The following CHCHD3 variants were observed in gnomAD, a reference collection of about 807,000 sequenced individuals.
CHCHD3 encodes MICOS complex subunit MIC19.
Under a neutral mutation model 38.2 loss-of-function variants are expected in CHCHD3, and 20 were observed. The observed-to-expected ratio is 0.52, with a 90% CI of 0.37 to 0.76. The LOEUF (loss-of-function observed/expected upper bound fraction) is 0.76. Among genes scored for constraint, CHCHD3 ranks in the 30% least tolerant of loss-of-function variants. The pLI is 0.00. For missense variants in CHCHD3, 245 were observed against 279.2 expected, an observed-to-expected ratio of 0.88 and a Z score of 0.87; for synonymous variants, 82 against 100.0, an observed-to-expected ratio of 0.82 and a Z score of 1.07.
At chr7:132,883,462 T>C (rs1809122498) in intron 5 of CHCHD3, among the ~76,000 whole-genome samples, 1 of 152,166 alleles carries the variant, frequency 6.6e-6, no homozygotes, top group Non-Finnish European at 1.5e-5. Flanking sequence ...CATCAGAGCC[T>C]TGTGCTCTAA....
chr7:133,021,199 CA>C (rs1813169177), intron 3 of CHCHD3, among the ~76,000 whole-genome samples: 1 of 151,994 alleles, frequency 6.6e-6, no homozygotes. Context: ...CATATGTTTT[CA>C]AAAATTCAAA....
At chr7:132,846,188 C>T (rs1436939167) in intron 5 of CHCHD3, among the ~76,000 whole-genome samples, 1 of 152,154 alleles carries the variant, frequency 6.6e-6, no homozygotes, top group Non-Finnish European at 1.5e-5. Context: ...GTGTTTGTGT[C>T]TTGCTCTGGG....
At chr7:132,791,262 T>C (rs571033589) in intron 7 of CHCHD3, among the ~76,000 whole-genome samples, 33 of 152,330 alleles carry the variant, frequency 2.2e-4, no homozygotes, top group African/African-American at 7.7e-4. Flanking sequence ...CCTCAGGGGA[T>C]TCTGATGCTC....
At chr7:132,961,648 G>A (rs1323604985) in intron 4 of CHCHD3, among the ~76,000 whole-genome samples, 9 of 152,116 alleles carry the variant, frequency 5.9e-5, no homozygotes, top group Non-Finnish European at 1.2e-4. Context: ...CATTCCCTTG[G>A]CAAATTTCAA....
intron 3 of CHCHD3, among the ~76,000 whole-genome samples, chr7:133,012,542 T>C (rs1361258932): frequency 6.6e-6 from 1 of 152,138 alleles, no homozygotes; most frequent in Non-Finnish European, 1.5e-5. Context: ...GGCAGGCAGA[T>C]GGCTTGAGCC....
chr7:132,951,446 G>A (rs889426313), intron 4 of CHCHD3, among the ~76,000 whole-genome samples: 5 of 152,162 alleles, frequency 3.3e-5, no homozygotes, highest in Admixed American at 2.0e-4. Flanking sequence ...TTTGGATGAG[G>A]TGCACTGATC....
intron 5 of CHCHD3, among the ~76,000 whole-genome samples, chr7:132,867,989 T>C (rs1808673036): frequency 6.6e-6 from 1 of 152,176 alleles, no homozygotes; most frequent in Non-Finnish European, 1.5e-5. Context: ...TATGCCTTTA[T>C]CTTTACACTG....
At chr7:132,837,277 T>C (rs1417444801) in intron 6 of CHCHD3, among the ~76,000 whole-genome samples, 1 of 152,170 alleles carries the variant, frequency 6.6e-6, no homozygotes, top group Non-Finnish European at 1.5e-5. Flanking sequence ...ATTATATCAT[T>C]AGGGAGAAAA....
At chr7:133,030,085 A>G (rs965189658) in intron 2 of CHCHD3, among the ~76,000 whole-genome samples, 3 of 152,194 alleles carry the variant, frequency 2.0e-5, no homozygotes, top group African/African-American at 4.8e-5. Context: ...CTTAGCTACA[A>G]ATGAGAAGTT....
intron 4 of CHCHD3, among the ~76,000 whole-genome samples, chr7:132,916,608 C>G (rs571284817): frequency 6.6e-6 from 1 of 152,026 alleles, no homozygotes; most frequent in Non-Finnish European, 1.5e-5. Flanking sequence ...AAAGAAAAGG[C>G]CTCACTCTGT....
intron 4 of CHCHD3, among the ~76,000 whole-genome samples, chr7:132,928,198 G>C (rs1585646124): frequency 6.6e-6 from 1 of 152,160 alleles, no homozygotes; most frequent in African/African-American, 2.4e-5. Flanking sequence ...ATGGATAAAG[G>C]ATAAAAAGTG....
intron 3 of CHCHD3, among the ~76,000 whole-genome samples, chr7:133,015,728 G>C (rs538322196): frequency 2.0e-5 from 3 of 152,314 alleles, no homozygotes; most frequent in Admixed American, 2.0e-4. Context: ...TTACTTGATA[G>C]ATATGACCTT....
chr7:132,807,338 AAGG>A (rs1402031839), intron 6 of CHCHD3, among the ~76,000 whole-genome samples: 8 of 152,216 alleles, frequency 5.3e-5, no homozygotes, highest in Admixed American at 1.3e-4. Context: ...TTTTACATAT[AAGG>A]TAAGTATATC....
chr7:132,966,548 C>CACATGGTAT (rs1562924031), intron 4 of CHCHD3, among the ~76,000 whole-genome samples: 1 of 152,160 alleles, frequency 6.6e-6, no homozygotes, highest in Non-Finnish European at 1.5e-5. Flanking sequence ...GGCGTCATTG[C>CACATGGTAT]ACATGGTATA....
chr7:132,909,485 C>A (rs905283368), intron 4 of CHCHD3, among the ~76,000 whole-genome samples: 1 of 152,008 alleles, frequency 6.6e-6, no homozygotes, highest in African/African-American at 2.4e-5. Context: ...AGCGAGCCTC[C>A]ATCTCAAAAA....
chr7:133,078,535 T>C (rs1354985128), intron 1 of CHCHD3, among the ~76,000 whole-genome samples: 1 of 152,116 alleles, frequency 6.6e-6, no homozygotes, highest in East Asian at 1.9e-4. Context: ...AACATATTTA[T>C]ATTAAGGGAA....
chr7:132,826,151 CA>C (rs1410962221), intron 6 of CHCHD3, among the ~76,000 whole-genome samples: 1 of 152,176 alleles, frequency 6.6e-6, no homozygotes, highest in Non-Finnish European at 1.5e-5. Context: ...CTCTGCCTCA[CA>C]AATGAATAGG....
intron 3 of CHCHD3, among the ~76,000 whole-genome samples, chr7:132,995,238 G>T (rs1346593243): frequency 6.6e-6 from 1 of 151,956 alleles, no homozygotes; most frequent in African/African-American, 2.4e-5. Flanking sequence ...TTTTATTGAG[G>T]TATGATTGAC....
intron 4 of CHCHD3, among the ~76,000 whole-genome samples, chr7:132,913,292 G>A (rs989193345): frequency 6.6e-6 from 1 of 152,128 alleles, no homozygotes; most frequent in Non-Finnish European, 1.5e-5. Flanking sequence ...AAGTCAAATG[G>A]GGAGACAAAT....
Sources: allele counts gnomAD v4.1 joint callset (sites outside exome capture counted in the v4.1 genomes callset), GRCh38; gene constraint gnomAD v4.1.1; transcripts MANE v1.5; gene names NCBI Gene and HGNC (gene_info 2026-07-23, HGNC 2026-07-21).